KCNQ3: variants seen among roughly 807,000 people sequenced by gnomAD.
KCNQ3 encodes the protein potassium voltage-gated channel subfamily KQT member 3.
In KCNQ3, 30 loss-of-function variants were observed where a neutral mutation model predicts 92.5. The ratio of observed to expected loss-of-function variants is 0.32; its 90% CI spans 0.24 to 0.44. The LOEUF is 0.44. Ranked by LOEUF, KCNQ3 falls within the 20% of genes least tolerant of loss-of-function variation. The pLI, the probability that KCNQ3 is intolerant of heterozygous loss-of-function variation, is 1.00. For synonymous variants in KCNQ3, 450 were observed against 468.8 expected (o/e 0.96, Z 0.52); for missense variants, 913 against 1,140.3 (o/e 0.80, Z 2.87).
At chr8:132,313,636 A>G (rs972191027) in intron 1 of KCNQ3, among the ~76,000 whole-genome samples, 5 of 152,222 alleles carry the variant, frequency 3.3e-5, no homozygotes, top group Admixed American at 6.5e-5. Flanking sequence ...ATGAGGAAAT[A>G]TCTTACTTCT....
chr8:132,275,751 G>T (rs1816308137), intron 1 of KCNQ3, among the ~76,000 whole-genome samples: 1 of 152,016 alleles, frequency 6.6e-6, no homozygotes, highest in Non-Finnish European at 1.5e-5. Flanking sequence ...CTAATTTTTT[G>T]TATTTTTAGT....
chr8:132,149,974 C>A (rs899450057), intron 9 of KCNQ3, among the ~76,000 whole-genome samples: 1 of 152,194 alleles, frequency 6.6e-6, no homozygotes, highest in South Asian at 2.1e-4. Flanking sequence ...GTTCTTCCCC[C>A]AGTCATCCTT....
intron 1 of KCNQ3, among the ~76,000 whole-genome samples, chr8:132,304,864 G>A (rs11778399): frequency 0.48 from 71,900 of 150,982 alleles, 17,442 homozygotes; most frequent in East Asian, 0.63. Context: ...TTCTCAAAGT[G>A]TGAAATGAAT....
chr8:132,355,912 T>G (rs1272485594), intron 1 of KCNQ3, among the ~76,000 whole-genome samples: 1 of 152,216 alleles, frequency 6.6e-6, no homozygotes, highest in Non-Finnish European at 1.5e-5. Context: ...TCTCCAATGG[T>G]CCTTTTACTC....
chr8:132,352,527 G>C (rs1215328819), intron 1 of KCNQ3, among the ~76,000 whole-genome samples: 1 of 152,168 alleles, frequency 6.6e-6, no homozygotes, highest in South Asian at 2.1e-4. Flanking sequence ...GCTGCTGTGA[G>C]GGCTAAATCA....
chr8:132,179,064 C>T (rs910389927), intron 4 of KCNQ3, among the ~76,000 whole-genome samples: 5 of 149,280 alleles, frequency 3.3e-5, no homozygotes, highest in Non-Finnish European at 7.4e-5. Flanking sequence ...GAACATCCAT[C>T]CCAGGGATTT....
At chr8:132,200,396 T>C (rs1827423146) in intron 1 of KCNQ3, among the ~76,000 whole-genome samples, 1 of 151,192 alleles carries the variant, frequency 6.6e-6, no homozygotes, top group Non-Finnish European at 1.5e-5. Flanking sequence ...CCTATAAAGC[T>C]TATAATATTT....
intron 1 of KCNQ3, among the ~76,000 whole-genome samples, chr8:132,304,386 C>A (rs1030606681): frequency 3.1e-4 from 47 of 152,138 alleles, no homozygotes; most frequent in Non-Finnish European, 4.4e-5. Context: ...AGAACTGGGT[C>A]CTTGTTCTGG....
chr8:132,174,372 A>G (rs1251860042), intron 5 of KCNQ3, 23 bp from the exon 6 acceptor site: 7 of 1,485,120 alleles, frequency 4.7e-6, no homozygotes, highest in Non-Finnish European at 6.4e-6. Context: ...GAGTTCAGAC[A>G]TGGAGTACCA....
chr8:132,251,141 T>C (rs1323905522), intron 1 of KCNQ3, among the ~76,000 whole-genome samples: 2 of 151,916 alleles, frequency 1.3e-5, no homozygotes, highest in South Asian at 2.1e-4. Flanking sequence ...GTGGTATGCA[T>C]ATGTGGTCCC....
chr8:132,313,287 G>A lies in KCNQ3; in HGVS notation c.387-127106C>T, dbSNP rs117382426. On this transcript the variant is annotated intron_variant, in intron 1 of 14. Coordinates refer to ENST00000388996, the MANE Select transcript of KCNQ3 (RefSeq NM_004519.4). The stretch of plus-strand genomic sequence containing the variant: ...GTTTAGAAAAACAGAAAAGGCTTTT[G>A]TTTTGCAACAGGATAGAGAACCTGG... Among the ~76,000 whole-genome samples the A allele has an allele frequency of 7.2e-3, 1,092 of 152,318 alleles. 9 individuals carry two copies. Among genetic ancestry groups the A allele is most frequent in the Middle Eastern group, 0.027 (8 of 294 alleles).
chr8:132,128,063 TGGAA>T lies in KCNQ3; in HGVS notation c.*1195_*1198del, dbSNP rs1475022382. ...AAGCAAGCATGTTTTGCAATAAAAGTGGAAATCCCCCTCCTGCTGGATAAACTGG... is the reference window on the plus strand; with the variant it reads ...AAGCAAGCATGTTTTGCAATAAAAGTATCCCCCTCCTGCTGGATAAACTGG... On this transcript the variant is annotated 3_prime_UTR_variant, in exon 15 of 15. Coordinates refer to ENST00000388996, the MANE Select transcript of KCNQ3 (RefSeq NM_004519.4). 8 of 152,192 alleles carry T rather than the reference TGGAA, an allele frequency of 5.3e-5. No individual in the cohort carries two copies. In the East Asian group the frequency reaches 1.5e-3, roughly 29 times the overall value. 9.4% of individuals were successfully genotyped at this position (152,192 alleles called of 1,614,324 possible).
intron 1 of KCNQ3, among the ~76,000 whole-genome samples, chr8:132,374,651 T>C (rs960495931): frequency 2.6e-5 from 4 of 152,162 alleles, no homozygotes; most frequent in African/African-American, 7.2e-5. Flanking sequence ...CCAATACTAA[T>C]TTTTTTCTGC....
At chr8:132,458,859 C>T in intron 1 of KCNQ3, among the ~76,000 whole-genome samples, 1 of 152,232 alleles carries the variant, frequency 6.6e-6, no homozygotes. Context: ...TAGTATGATA[C>T]ATTTGTTACA....
chr8:132,404,211 C>T (rs2130787931), intron 1 of KCNQ3, among the ~76,000 whole-genome samples: 1 of 152,304 alleles, frequency 6.6e-6, no homozygotes, highest in East Asian at 1.9e-4. Context: ...TGGAAAGAAG[C>T]ATCACCTACC....
chr8:132,316,385 A>AC (rs1268990318), intron 1 of KCNQ3, among the ~76,000 whole-genome samples: 3 of 152,146 alleles, frequency 2.0e-5, no homozygotes, highest in Non-Finnish European at 4.4e-5. Flanking sequence ...AGCCAGATAG[A>AC]CCCGGTTAGA....
rs190636843 is a variant in KCNQ3 at position 132,152,613 on chromosome 8, G to A, written c.1262+10855C>T. ...TAAGGAGTCAAGCTTGACTTGCAGA[G>A]CCAATACAAGCCCCTTGGAAAAAAA... On this transcript the variant is annotated intron_variant, in intron 9 of 14. Coordinates refer to ENST00000388996, the MANE Select transcript of KCNQ3 (RefSeq NM_004519.4). Among the ~76,000 whole-genome samples the A allele has an allele frequency of 2.1e-3, 313 of 152,048 alleles. 1 individual carries two copies. Among genetic ancestry groups the A allele is most frequent in the Non-Finnish European group, 4.0e-3 (272 of 67,988 alleles).
intron 4 of KCNQ3, among the ~76,000 whole-genome samples, chr8:132,179,766 C>T (rs1480468744): frequency 6.6e-6 from 1 of 152,120 alleles, no homozygotes; most frequent in Non-Finnish European, 1.5e-5. Context: ...TGTGTGATCC[C>T]CAAGCCTTCT....
intron 1 of KCNQ3, among the ~76,000 whole-genome samples, chr8:132,190,675 G>T (rs993277179): frequency 6.6e-6 from 1 of 152,194 alleles, no homozygotes; most frequent in African/African-American, 2.4e-5. Flanking sequence ...CATGACTGCT[G>T]CTTCGTGAGA....
Sources: allele counts gnomAD v4.1 joint callset (sites outside exome capture counted in the v4.1 genomes callset), GRCh38; gene constraint gnomAD v4.1.1; transcripts MANE v1.5; gene names NCBI Gene and HGNC (gene_info 2026-07-23, HGNC 2026-07-21).